C8orf90: variants seen among roughly 807,000 people sequenced by gnomAD.
C8orf90 encodes the protein chromosome 8 open reading frame 90.
chr8:141,515,911 C>T, the C8orf90 span, among the ~76,000 whole-genome samples: 1 of 152,210 alleles, frequency 6.6e-6, no homozygotes, highest in Non-Finnish European at 1.5e-5. Flanking sequence ...AACCACCTCG[C>T]ACCTTCTCTC....
chr8:141,515,439 G>A, the C8orf90 span, among the ~76,000 whole-genome samples: 35 of 146,190 alleles, frequency 2.4e-4, no homozygotes, highest in East Asian at 6.6e-3. Flanking sequence ...CCCCTGCCCT[G>A]CCCTCTCCCT....
At chr8:141,516,450 C>T in the C8orf90 span, among the ~76,000 whole-genome samples, 2 of 152,138 alleles carry the variant, frequency 1.3e-5, no homozygotes, top group African/African-American at 4.8e-5. Flanking sequence ...CTGGTAAGTC[C>T]GAGGTCACTT....
At chr8:141,516,589 G>A in the C8orf90 span, among the ~76,000 whole-genome samples, 1 of 152,128 alleles carries the variant, frequency 6.6e-6, no homozygotes, top group East Asian at 1.9e-4. Flanking sequence ...ACCTGGTCAG[G>A]AGGGAGGACC....
chr8:141,515,490 C>A, the C8orf90 span, among the ~76,000 whole-genome samples: 1 of 150,982 alleles, frequency 6.6e-6, no homozygotes, highest in East Asian at 2.0e-4. Flanking sequence ...CTCAGCCCCT[C>A]GGACTCCTGT....
At chr8:141,515,266 C>A in the C8orf90 span, among the ~76,000 whole-genome samples, 1 of 12,174 alleles carries the variant, frequency 8.2e-5, no homozygotes. Context: ...ATCCATCCAT[C>A]CATCCATCCA....
the C8orf90 span, among the ~76,000 whole-genome samples, chr8:141,517,313 C>T: frequency 6.6e-6 from 1 of 152,272 alleles, no homozygotes; most frequent in Non-Finnish European, 1.5e-5. Context: ...GTCCACCTGA[C>T]TACATTCTTT....
the C8orf90 span, among the ~76,000 whole-genome samples, chr8:141,517,804 A>G: frequency 6.6e-6 from 1 of 152,068 alleles, no homozygotes; most frequent in Non-Finnish European, 1.5e-5. Context: ...TCAACTTTCA[A>G]CTGAGAGTGA....
the C8orf90 span, among the ~76,000 whole-genome samples, chr8:141,517,341 A>G: frequency 1.6e-5 from 1 of 63,870 alleles, no homozygotes; most frequent in African/African-American, 3.9e-5. Flanking sequence ...TGTGTGCCCA[A>G]GTGAGGTCCC....
chr8:141,518,214 A>G, the C8orf90 span: 3 of 576,138 alleles, frequency 5.2e-6, no homozygotes, highest in East Asian at 6.9e-5. Flanking sequence ...CTCCGCCCGC[A>G]GGTCCCGCGG....
At chr8:141,518,229 C>G in the C8orf90 span, 1 of 608,342 alleles carries the variant, frequency 1.6e-6, no homozygotes, top group Non-Finnish European at 2.9e-6. Flanking sequence ...CCGCGGCGCC[C>G]CCGGAGCCCG....
the C8orf90 span, among the ~76,000 whole-genome samples, chr8:141,515,157 G>A: frequency 1.4e-5 from 1 of 72,798 alleles, no homozygotes; most frequent in East Asian, 4.8e-4. Context: ...CAGTGGGAGG[G>A]GCAGCCAGCC....
chr8:141,518,692 C>G, the C8orf90 span: 1 of 537,110 alleles, frequency 1.9e-6, no homozygotes, highest in Non-Finnish European at 3.3e-6. Context: ...CCGCCGCTGC[C>G]CCGAGAGCGA....
chr8:141,518,434 C>CT, the C8orf90 span: 2 of 666,798 alleles, frequency 3.0e-6, no homozygotes, highest in African/African-American at 3.8e-5. Context: ...CTACGACCCC[C>CT]GCGACCGCGC....
At chr8:141,518,693 C>G in the C8orf90 span, 60 of 536,964 alleles carry the variant, frequency 1.1e-4, no homozygotes, top group African/African-American at 1.1e-3. Context: ...CGCCGCTGCC[C>G]CGAGAGCGAA....
At chr8:141,514,850 T>G in the C8orf90 span, 2 of 666,868 alleles carry the variant, frequency 3.0e-6, no homozygotes, top group East Asian at 5.5e-5. Context: ...GAAGCGGCCC[T>G]CTGACCCATC....
chr8:141,518,141 C>G, the C8orf90 span: 18 of 527,948 alleles, frequency 3.4e-5, no homozygotes, highest in Non-Finnish European at 5.6e-5. Flanking sequence ...GCCCGGCCTC[C>G]TGGTCTCCCG....
chr8:141,518,371 C>T, the C8orf90 span: 13 of 676,864 alleles, frequency 1.9e-5, no homozygotes, highest in East Asian at 3.6e-4. Context: ...CTTCACGCTG[C>T]CCTTCCCGTT....
chr8:141,517,052 G>C, the C8orf90 span, among the ~76,000 whole-genome samples: 121,271 of 152,184 alleles, frequency 0.8, 50,874 homozygotes, highest in Non-Finnish European at 0.92. Context: ...GGAAGAGACT[G>C]TTAATCAAAA....
chr8:141,516,767 C>CTCCA, the C8orf90 span, among the ~76,000 whole-genome samples: 1 of 152,334 alleles, frequency 6.6e-6, no homozygotes, highest in East Asian at 1.9e-4. Context: ...AGCCTCTGGG[C>CTCCA]TCCACTCTTA....
Sources: allele counts gnomAD v4.1 joint callset (sites outside exome capture counted in the v4.1 genomes callset), GRCh38; gene constraint gnomAD v4.1.1; transcripts MANE v1.5; gene names NCBI Gene and HGNC (gene_info 2026-07-23, HGNC 2026-07-21).